Variants in GRID1 observed in about 807,000 individuals in gnomAD.
GRID1 encodes the protein glutamate ionotropic receptor delta type subunit 1, also known as glutamate receptor ionotropic, delta-1.
GRID1 carries 28 observed loss-of-function variants against 98.0 expected under a neutral mutation model. That is an observed-to-expected ratio of 0.29 (90% CI 0.21 to 0.39). The LOEUF (loss-of-function observed/expected upper bound fraction) is 0.39, where lower values mean the gene tolerates loss of function less well. Among genes scored for constraint, GRID1 ranks in the 10% least tolerant of loss-of-function variants. GRID1 has a pLI of 1.00. For missense variants in GRID1, 1,111 were observed against 1,340.5 expected, an observed-to-expected ratio of 0.83 and a Z score of 2.67; for synonymous variants, 553 against 538.5, an observed-to-expected ratio of 1.03 and a Z score of -0.37.
intron 3 of GRID1, among the ~76,000 whole-genome samples, chr10:86,152,027 A>G (rs1390751910): frequency 6.6e-6 from 1 of 152,258 alleles, no homozygotes; most frequent in Admixed American, 6.5e-5. Context: ...AACAGGAAAC[A>G]GACAAGAAAA....
intron 4 of GRID1, among the ~76,000 whole-genome samples, chr10:86,029,680 TG>T (rs1248652147): frequency 6.6e-6 from 1 of 152,082 alleles, no homozygotes; most frequent in Non-Finnish European, 1.5e-5. Context: ...AGACTAACCT[TG>T]CTTATTCTTG....
intron 8 of GRID1, among the ~76,000 whole-genome samples, chr10:85,799,418 T>A (rs1842555299): frequency 6.6e-6 from 1 of 152,160 alleles, no homozygotes; most frequent in Non-Finnish European, 1.5e-5. Flanking sequence ...TATGTTTATC[T>A]ATGCTTATTA....
chr10:85,843,436 C>T (rs1842978694), intron 8 of GRID1, among the ~76,000 whole-genome samples: 1 of 152,050 alleles, frequency 6.6e-6, no homozygotes, highest in Non-Finnish European at 1.5e-5. Flanking sequence ...AATTGATACA[C>T]TTAGCCTCAT....
chr10:86,113,990 G>A (rs933429202), intron 4 of GRID1, among the ~76,000 whole-genome samples: 1 of 152,024 alleles, frequency 6.6e-6, no homozygotes, highest in Admixed American at 6.6e-5. Context: ...GTAAGCAGAG[G>A]CCACTGCTGG....
intron 3 of GRID1, among the ~76,000 whole-genome samples, chr10:86,197,056 G>T (rs1450760927): frequency 6.6e-6 from 1 of 152,018 alleles, no homozygotes; most frequent in Non-Finnish European, 1.5e-5. Flanking sequence ...AAACAAAACT[G>T]CCTGTCTGCA....
chr10:85,640,086 G>A (rs1039785191), intron 13 of GRID1, among the ~76,000 whole-genome samples: 2 of 152,004 alleles, frequency 1.3e-5, no homozygotes, highest in Non-Finnish European at 2.9e-5. Context: ...CAGACTAGAT[G>A]GAGCATAACA....
intron 2 of GRID1, among the ~76,000 whole-genome samples, chr10:86,256,989 C>T (rs1463606873): frequency 2.0e-5 from 3 of 152,248 alleles, no homozygotes; most frequent in African/African-American, 7.2e-5. Context: ...CCTGTCCCTT[C>T]AGGCCCAGGG....
chr10:85,859,459 GGATT>G (rs1843144504), intron 6 of GRID1, among the ~76,000 whole-genome samples: 1 of 151,962 alleles, frequency 6.6e-6, no homozygotes, highest in Admixed American at 6.5e-5. Context: ...ATGGATGGAT[GGATT>G]TTCTCAGAAG....
chr10:86,141,343 A>G (rs912116772), intron 3 of GRID1, among the ~76,000 whole-genome samples: 9 of 152,192 alleles, frequency 5.9e-5, no homozygotes, highest in Non-Finnish European at 1.3e-4. Flanking sequence ...AAGGTGAAGA[A>G]GATAAAGACC....
rs562737345 is a variant in GRID1 at position 86,363,787 on chromosome 10, G to T, written c.235+154C>A. On this transcript the variant is annotated intron_variant, in intron 2 of 15. Transcript: ENST00000327946. Reference sequence around the variant, plus strand: ...AGTCCCGGCGCCGCTGCCTAGGTGGGCCGGGGAAGGCGCGCCACCGCGCAT... The same window carrying T: ...AGTCCCGGCGCCGCTGCCTAGGTGGTCCGGGGAAGGCGCGCCACCGCGCAT... Among the ~76,000 whole-genome samples the T allele has an allele frequency of 2.6e-5, 4 of 152,326 alleles. No homozygotes were observed. In the East Asian group the frequency reaches 7.7e-4, roughly 29 times the overall value.
chr10:86,012,609 T>C (rs952246611), intron 4 of GRID1, among the ~76,000 whole-genome samples: 19 of 152,180 alleles, frequency 1.2e-4, no homozygotes, highest in African/African-American at 4.6e-4. Flanking sequence ...ATTCAGGTGT[T>C]GCAATCCTAA....
chr10:86,241,405 A>AAGG (rs1554864570), intron 2 of GRID1, among the ~76,000 whole-genome samples: 1 of 148,746 alleles, frequency 6.7e-6, no homozygotes, highest in Non-Finnish European at 1.5e-5. Flanking sequence ...GCATCTTTAC[A>AAGG]GGGGGGCCCC....
chr10:86,164,399 C>A (rs963783788), intron 3 of GRID1, among the ~76,000 whole-genome samples: 11 of 152,156 alleles, frequency 7.2e-5, no homozygotes, highest in African/African-American at 2.7e-4. Context: ...AGGCCCAGCC[C>A]TGAACCCCGC....
intron 4 of GRID1, among the ~76,000 whole-genome samples, chr10:86,115,857 T>C (rs1844568871): frequency 6.6e-6 from 1 of 152,250 alleles, no homozygotes; most frequent in Non-Finnish European, 1.5e-5. Context: ...ATGTACTGCA[T>C]CTAAGACAGT....
chr10:86,342,104 C>G (rs1848318777), intron 2 of GRID1, among the ~76,000 whole-genome samples: 1 of 152,160 alleles, frequency 6.6e-6, no homozygotes, highest in South Asian at 2.1e-4. Context: ...CTGCTTACTC[C>G]CTAGTTTTTG....
Position 85,631,438 on chromosome 10 carries a change from C to T in GRID1, c.2194-11405G>A. Among the ~76,000 whole-genome samples, 2 of 152,328 alleles carry T rather than the reference C, an allele frequency of 1.3e-5. 1 individual carries two copies. Among genetic ancestry groups the T allele is most frequent in the South Asian group, 4.1e-4 (2 of 4,828 alleles). On this transcript the variant is annotated intron_variant, in intron 13 of 15. Coordinates refer to ENST00000327946, the MANE Select transcript of GRID1 (RefSeq NM_017551.3). ...TGTGGAGACATTATGGCTGCATTCCCTTTTGGGGCCTCCAGCACTTTGGGG... is the reference window on the plus strand; with the variant it reads ...TGTGGAGACATTATGGCTGCATTCCTTTTTGGGGCCTCCAGCACTTTGGGG...
chr10:86,235,955 T>G (rs1589421352), intron 2 of GRID1, among the ~76,000 whole-genome samples: 1 of 152,372 alleles, frequency 6.6e-6, no homozygotes, highest in South Asian at 2.1e-4. Flanking sequence ...GTGTTTATCT[T>G]TTTAATAAGC....
chr10:86,266,542 G>T (rs1329705415), intron 2 of GRID1, among the ~76,000 whole-genome samples: 1 of 152,216 alleles, frequency 6.6e-6, no homozygotes, highest in East Asian at 1.9e-4. Context: ...CAGATGAGAG[G>T]ATTCTTTCCC....
chr10:86,306,916 A>G (rs574566918), intron 2 of GRID1, among the ~76,000 whole-genome samples: 117 of 152,284 alleles, frequency 7.7e-4, no homozygotes, highest in South Asian at 7.3e-3. Flanking sequence ...CACTGCACAT[A>G]ATCAATATCT....
Sources: allele counts gnomAD v4.1 joint callset (sites outside exome capture counted in the v4.1 genomes callset), GRCh38; gene constraint gnomAD v4.1.1; transcripts MANE v1.5; gene names NCBI Gene and HGNC (gene_info 2026-07-23, HGNC 2026-07-21).